FSTL5: variants seen among roughly 807,000 people sequenced by gnomAD.
The protein encoded by FSTL5 is follistatin-related protein 5.
Under a neutral mutation model 89.1 loss-of-function variants are expected in FSTL5, and 62 were observed. The ratio of observed to expected loss-of-function variants is 0.70; its 90% CI spans 0.57 to 0.86. The LOEUF is 0.86. FSTL5 is among the 40% of genes least tolerant of loss of function. The pLI, the probability that FSTL5 is intolerant of heterozygous loss-of-function variation, is 0.00. For synonymous variants in FSTL5, 383 were observed against 346.2 expected (o/e 1.11, Z -1.18); for missense variants, 1,057 against 1,001.6 (o/e 1.06, Z -0.75).
chr4:161,630,078 G>C (rs1317871042), intron 7 of FSTL5, among the ~76,000 whole-genome samples: 2 of 152,186 alleles, frequency 1.3e-5, no homozygotes, highest in Non-Finnish European at 2.9e-5. Flanking sequence ...TCCTCCACTA[G>C]GTTTCAGTAC....
intron 4 of FSTL5, among the ~76,000 whole-genome samples, chr4:161,848,048 A>AAAC (rs1731428820): frequency 6.8e-6 from 1 of 146,518 alleles, no homozygotes; most frequent in Admixed American, 6.7e-5. Context: ...AAAAAAAAAA[A>AAAC]AAAAAAAAAA....
intron 2 of FSTL5, among the ~76,000 whole-genome samples, chr4:162,085,018 A>T (rs1037029090): frequency 6.6e-6 from 1 of 152,082 alleles, no homozygotes; most frequent in Non-Finnish European, 1.5e-5. Flanking sequence ...TCCTTAGCAC[A>T]TTGCCAGTAT....
intron 6 of FSTL5, among the ~76,000 whole-genome samples, chr4:161,719,969 A>G (rs1277377545): frequency 2.0e-5 from 3 of 152,138 alleles, no homozygotes; most frequent in Non-Finnish European, 2.9e-5. Flanking sequence ...AAACATAGGA[A>G]AAAACCTTAT....
chr4:161,475,285 T>C (rs1444028366), intron 13 of FSTL5, among the ~76,000 whole-genome samples: 1 of 152,190 alleles, frequency 6.6e-6, no homozygotes, highest in Non-Finnish European at 1.5e-5. Flanking sequence ...CTTATATTCT[T>C]ATTTTTCTTC....
Position 161,963,316 on chromosome 4 carries a change from A to G in FSTL5, c.161-42664T>C, listed in dbSNP as rs574073710. The stretch of plus-strand genomic sequence containing the variant: ...AATTCCTCACATATTGTATATAGTT[A>G]CAAGATGAGTATTTTTAAGAAGTTG... On this transcript the variant is annotated intron_variant, in intron 3 of 15. Transcript: ENST00000306100. Among the ~76,000 whole-genome samples, 7 of 152,086 alleles carry G rather than the reference A, an allele frequency of 4.6e-5. No individual in the cohort carries two copies. In the East Asian group the frequency reaches 1.4e-3, roughly 29 times the overall value.
In FSTL5 at chr4:162,153,949, G is replaced by C. The variant is rs572325755; in HGVS notation, c.-17+9666C>G. The stretch of plus-strand genomic sequence containing the variant: ...TCCTCCCGAGTAGCTGGGATTACAG[G>C]TGCCTGCCACCATGCCCAGCTAATT... On this transcript the variant is annotated intron_variant, in intron 1 of 15. Transcript: ENST00000306100. Among the ~76,000 whole-genome samples, 12 of 151,354 alleles carry C rather than the reference G, an allele frequency of 7.9e-5. No individual in the cohort carries two copies. The South Asian group carries it at 2.5e-3, about 32-fold the overall frequency.
At chr4:161,727,420 T>C (rs920577364) in intron 6 of FSTL5, among the ~76,000 whole-genome samples, 8 of 152,188 alleles carry the variant, frequency 5.3e-5, no homozygotes, top group Admixed American at 5.2e-4. Flanking sequence ...ATTTCCATAT[T>C]CCCAGGCAGA....
At chr4:161,757,930 C>T (rs921509213) in intron 6 of FSTL5, among the ~76,000 whole-genome samples, 1 of 152,078 alleles carries the variant, frequency 6.6e-6, no homozygotes, top group African/African-American at 2.4e-5. Context: ...ATGCTGCTTT[C>T]ATTTTATCAT....
At chr4:161,592,703 T>A (rs187861442) in intron 7 of FSTL5, among the ~76,000 whole-genome samples, 4 of 152,192 alleles carry the variant, frequency 2.6e-5, no homozygotes, top group African/African-American at 7.2e-5. Flanking sequence ...TTCCAAGCCT[T>A]TGCTATTGTG....
At chr4:162,005,830 T>G (rs1391111704) in intron 3 of FSTL5, among the ~76,000 whole-genome samples, 1 of 152,104 alleles carries the variant, frequency 6.6e-6, no homozygotes, top group East Asian at 1.9e-4. Context: ...TCAGGAACTT[T>G]CCAAGGAAAT....
At chr4:161,535,269 G>T (rs190089345) in intron 10 of FSTL5, among the ~76,000 whole-genome samples, 16 of 152,056 alleles carry the variant, frequency 1.1e-4, no homozygotes, top group East Asian at 5.8e-4. Flanking sequence ...TACAGCAAAA[G>T]AAATTACTAA....
intron 1 of FSTL5, among the ~76,000 whole-genome samples, chr4:162,124,945 C>T (rs1267030250): frequency 2.6e-5 from 4 of 152,254 alleles, no homozygotes; most frequent in Non-Finnish European, 4.4e-5. Flanking sequence ...CCTCGTGATC[C>T]GCCCGCCTTG....
chr4:161,755,136 G>C (rs1740526113), intron 6 of FSTL5, among the ~76,000 whole-genome samples: 1 of 151,914 alleles, frequency 6.6e-6, no homozygotes, highest in Non-Finnish European at 1.5e-5. Context: ...TTCCAAGTCT[G>C]TTAATCAGAC....
At chr4:161,915,710 T>G (rs1733819362) in intron 4 of FSTL5, among the ~76,000 whole-genome samples, 1 of 152,142 alleles carries the variant, frequency 6.6e-6, no homozygotes, top group Non-Finnish European at 1.5e-5. Flanking sequence ...ACATTTCTTA[T>G]TGTCCAAATT....
chr4:162,121,974 T>C (rs1258634614), intron 1 of FSTL5, among the ~76,000 whole-genome samples: 1 of 152,108 alleles, frequency 6.6e-6, no homozygotes, highest in Non-Finnish European at 1.5e-5. Flanking sequence ...GTTTACTTTA[T>C]TGTAAGAATA....
intron 6 of FSTL5, among the ~76,000 whole-genome samples, chr4:161,668,723 A>G (rs999342033): frequency 4.6e-5 from 7 of 152,202 alleles, no homozygotes; most frequent in African/African-American, 1.7e-4. Context: ...TTAAAAATCA[A>G]TTAAATGTAC....
chr4:161,512,651 C>T (rs555222576), intron 10 of FSTL5, among the ~76,000 whole-genome samples: 1 of 151,984 alleles, frequency 6.6e-6, no homozygotes, highest in African/African-American at 2.4e-5. Flanking sequence ...AGGACAGAGA[C>T]ATTTTTAAGA....
chr4:161,716,131 C>A (rs1383174228), intron 6 of FSTL5, among the ~76,000 whole-genome samples: 1 of 152,148 alleles, frequency 6.6e-6, no homozygotes, highest in Non-Finnish European at 1.5e-5. Context: ...CCGTGCAGAT[C>A]CTTGAATACA....
chr4:161,575,659 G>C (rs13129060), intron 8 of FSTL5, among the ~76,000 whole-genome samples: 47,085 of 151,826 alleles, frequency 0.31, 7,988 homozygotes, highest in Non-Finnish European at 0.38. Flanking sequence ...TCACCATCTT[G>C]GCCAGGCTGG....
Sources: gnomAD v4.1 joint callset for allele counts (sites outside exome capture counted in the v4.1 genomes callset) on GRCh38, gnomAD v4.1.1 for gene constraint, MANE v1.5 for transcripts, NCBI Gene and HGNC (gene_info 2026-07-23, HGNC 2026-07-21) for gene names.